CPA6: variants seen among roughly 807,000 people sequenced by gnomAD.
CPA6 encodes carboxypeptidase B.
Under a neutral mutation model 63.3 loss-of-function variants are expected in CPA6, and 58 were observed. The ratio of observed to expected loss-of-function variants is 0.92; its 90% CI spans 0.74 to 1.14. The LOEUF (loss-of-function observed/expected upper bound fraction) is 1.14. Among genes scored for constraint, CPA6 ranks in the 50% most tolerant of loss-of-function variants. CPA6 has a pLI of 0.00. For missense variants in CPA6, 565 were observed against 526.6 expected (o/e 1.07, Z -0.71); for synonymous variants, 185 against 179.0 (o/e 1.03, Z -0.27).
At chr8:67,689,633 C>G (rs1253044600) in intron 1 of CPA6, among the ~76,000 whole-genome samples, 1 of 152,192 alleles carries the variant, frequency 6.6e-6, no homozygotes, top group Non-Finnish European at 1.5e-5. Context: ...GCATAGTATT[C>G]CATGGTATAT....
chr8:67,660,644 G>C (rs1009332547), intron 1 of CPA6, among the ~76,000 whole-genome samples: 3 of 151,698 alleles, frequency 2.0e-5, no homozygotes, highest in Non-Finnish European at 4.4e-5. Flanking sequence ...TGCCCGGCCT[G>C]TATTACAGTT....
intron 1 of CPA6, among the ~76,000 whole-genome samples, chr8:67,666,609 T>C (rs1816232857): frequency 6.6e-6 from 1 of 152,132 alleles, no homozygotes; most frequent in Admixed American, 6.5e-5. Context: ...AGGGAGGTCT[T>C]GGAAGGATTC....
At chr8:67,606,212 A>G (rs1257233004) in intron 2 of CPA6, among the ~76,000 whole-genome samples, 1 of 150,932 alleles carries the variant, frequency 6.6e-6, no homozygotes, top group Non-Finnish European at 1.5e-5. Context: ...GGATAGCATT[A>G]GGAGATATAC....
At chr8:67,731,803 A>G (rs557216729) in intron 1 of CPA6, among the ~76,000 whole-genome samples, 2 of 152,342 alleles carry the variant, frequency 1.3e-5, no homozygotes, top group South Asian at 4.2e-4. Flanking sequence ...TACGACCAAT[A>G]AAGTTCTGAA....
intron 2 of CPA6, among the ~76,000 whole-genome samples, chr8:67,562,592 A>T (rs1460488188): frequency 6.6e-6 from 1 of 152,162 alleles, no homozygotes; most frequent in Non-Finnish European, 1.5e-5. Flanking sequence ...AGGTGATGGT[A>T]TTAGGAGGTG....
chr8:67,547,331 C>A (rs898880526), intron 2 of CPA6, among the ~76,000 whole-genome samples: 1 of 152,132 alleles, frequency 6.6e-6, no homozygotes, highest in Admixed American at 6.5e-5. Flanking sequence ...TAGGCATGAG[C>A]CACTGTGCCC....
chr8:67,479,427 T>G (rs760261689), intron 8 of CPA6, among the ~76,000 whole-genome samples: 1 of 152,228 alleles, frequency 6.6e-6, no homozygotes, highest in Non-Finnish European at 1.5e-5. Flanking sequence ...TAATCATCCT[T>G]CTGTGATTCC....
intron 3 of CPA6, 56 bp downstream of exon 3, chr8:67,517,867 C>A: frequency 1.3e-6 from 2 of 1,483,832 alleles, no homozygotes; most frequent in African/African-American, 1.4e-5. Flanking sequence ...ATACAACTAC[C>A]ATTTGGTTCA....
At chr8:67,568,935 CAG>C (rs1446275597) in intron 2 of CPA6, among the ~76,000 whole-genome samples, 1 of 151,988 alleles carries the variant, frequency 6.6e-6, no homozygotes, top group Non-Finnish European at 1.5e-5. Flanking sequence ...ATTTTTAGTA[CAG>C]AAGGGGTTTC....
At chr8:67,706,184 T>C (rs942316850) in intron 1 of CPA6, among the ~76,000 whole-genome samples, 1 of 152,222 alleles carries the variant, frequency 6.6e-6, no homozygotes, top group African/African-American at 2.4e-5. Flanking sequence ...AAACAACTAC[T>C]ATGACTTTTA....
At chr8:67,657,056 T>G (rs919965410) in intron 1 of CPA6, among the ~76,000 whole-genome samples, 21 of 152,212 alleles carry the variant, frequency 1.4e-4, no homozygotes, top group Non-Finnish European at 2.5e-4. Flanking sequence ...TTTATTTTGC[T>G]TAAACACATG....
At chr8:67,659,651 C>A (rs564600922) in intron 1 of CPA6, among the ~76,000 whole-genome samples, 12 of 152,264 alleles carry the variant, frequency 7.9e-5, no homozygotes, top group Admixed American at 5.9e-4. Context: ...TTAATAACCA[C>A]AAAACTAATC....
At position 67,602,553 on chromosome 8, in the gene CPA6, C is replaced by T. The variant is rs146108905; in HGVS notation, c.192+21623G>A. Among the ~76,000 whole-genome samples, 760 of 152,284 alleles carry T rather than the reference C, an allele frequency of 5.0e-3. 8 individuals carry two copies. Among genetic ancestry groups the T allele is most frequent in the African/African-American group, 0.017 (716 of 41,568 alleles). On this transcript the variant is annotated intron_variant, in intron 2 of 10. Coordinates refer to ENST00000297770, the MANE Select transcript of CPA6 (RefSeq NM_020361.5). Reference sequence around the variant, plus strand: ...TGAAGCACCCTAAATGTTTACTTCCCTTAAAATAGAAACAAAAGCTGATGT... The same window carrying T: ...TGAAGCACCCTAAATGTTTACTTCCTTTAAAATAGAAACAAAAGCTGATGT...
chr8:67,736,594 C>G (rs1032940523), intron 1 of CPA6, among the ~76,000 whole-genome samples: 1 of 152,214 alleles, frequency 6.6e-6, no homozygotes, highest in African/African-American at 2.4e-5. Context: ...CTGCTACTTT[C>G]TTCTCTGCCT....
intron 2 of CPA6, among the ~76,000 whole-genome samples, chr8:67,571,955 A>G (rs72657231): frequency 0.1 from 15,957 of 152,228 alleles, 934 homozygotes; most frequent in Middle Eastern, 0.19. Flanking sequence ...CCAAGAAAAA[A>G]GAAAAAAGAC....
chr8:67,625,766 ACT>A (rs1267150650), intron 1 of CPA6, among the ~76,000 whole-genome samples: 1 of 152,090 alleles, frequency 6.6e-6, no homozygotes, highest in Non-Finnish European at 1.5e-5. Context: ...GAAAACAAAA[ACT>A]CTACTATTTC....
chr8:67,527,248 A>T (rs1812382896), intron 2 of CPA6, among the ~76,000 whole-genome samples: 1 of 152,204 alleles, frequency 6.6e-6, no homozygotes, highest in South Asian at 2.1e-4. Context: ...ATGATATTGC[A>T]TTTACATTTA....
intron 2 of CPA6, among the ~76,000 whole-genome samples, chr8:67,587,575 G>T (rs1037892246): frequency 1.3e-5 from 2 of 152,088 alleles, no homozygotes. Flanking sequence ...CGTCATCATT[G>T]GTATATGGTT....
chr8:67,462,599 C>A (rs913987523), intron 8 of CPA6, among the ~76,000 whole-genome samples: 2 of 152,146 alleles, frequency 1.3e-5, no homozygotes, highest in Non-Finnish European at 2.9e-5. Context: ...AAGACCCATT[C>A]ACACTCAAAA....
Sources: allele counts gnomAD v4.1 joint callset (sites outside exome capture counted in the v4.1 genomes callset), GRCh38; gene constraint gnomAD v4.1.1; transcripts MANE v1.5; gene names NCBI Gene and HGNC (gene_info 2026-07-23, HGNC 2026-07-21).